The following EPHA4 variants were observed in gnomAD, a reference collection of about 807,000 sequenced individuals.
The protein encoded by EPHA4 is EPH receptor A4.
Under a neutral mutation model 108.3 loss-of-function variants are expected in EPHA4, and 19 were observed. The observed-to-expected ratio is 0.18, with a 90% confidence interval of 0.12 to 0.26. The LOEUF (loss-of-function observed/expected upper bound fraction) is 0.26, where lower values mean the gene tolerates loss of function less well. Among genes scored for constraint, EPHA4 ranks in the 10% least tolerant of loss-of-function variants. The pLI is 1.00. For synonymous variants in EPHA4, 449 were observed against 455.5 expected (o/e 0.99, Z 0.18); for missense variants, 917 against 1,254.0 (o/e 0.73, Z 4.06).
At chr2:221,566,125 C>G (rs555808927) in intron 2 of EPHA4, among the ~76,000 whole-genome samples, 1 of 152,182 alleles carries the variant, frequency 6.6e-6, no homozygotes, top group Non-Finnish European at 1.5e-5. Flanking sequence ...GGAGCCATCA[C>G]TTTCCCTAAT....
intron 4 of EPHA4, among the ~76,000 whole-genome samples, chr2:221,483,404 T>A (rs1419670395): frequency 6.6e-6 from 1 of 152,034 alleles, no homozygotes; most frequent in Non-Finnish European, 1.5e-5. Context: ...ACAGAACAAC[T>A]GATTACCGAC....
intron 6 of EPHA4, 119 bp from the exon 7 acceptor site, chr2:221,456,891 G>GAATA: frequency 9.7e-7 from 1 of 1,028,056 alleles, no homozygotes; most frequent in Non-Finnish European, 1.4e-6. Context: ...AAATGGAGAT[G>GAATA]AATAAACTCT....
At chr2:221,533,580 C>G (rs573664350) in intron 3 of EPHA4, among the ~76,000 whole-genome samples, 25 of 152,162 alleles carry the variant, frequency 1.6e-4, no homozygotes, top group African/African-American at 5.5e-4. Context: ...AGCTTCTAAA[C>G]ACACAGATTA....
intron 3 of EPHA4, among the ~76,000 whole-genome samples, chr2:221,550,696 A>C (rs1169103516): frequency 6.6e-6 from 1 of 152,214 alleles, no homozygotes; most frequent in Admixed American, 6.5e-5. Flanking sequence ...AGCTGAGATT[A>C]AAATTCAGTT....
At chr2:221,505,233 T>C (rs1307015861) in intron 3 of EPHA4, among the ~76,000 whole-genome samples, 1 of 152,228 alleles carries the variant, frequency 6.6e-6, no homozygotes, top group Non-Finnish European at 1.5e-5. Flanking sequence ...AAAACATCAC[T>C]AATAATTTGT....
intron 13 of EPHA4, among the ~76,000 whole-genome samples, chr2:221,435,480 C>T (rs562054592): frequency 1.3e-5 from 2 of 152,038 alleles, no homozygotes; most frequent in Non-Finnish European, 2.9e-5. Context: ...CCCCTGCCCC[C>T]CTCCAAAAAA....
chr2:221,515,871 A>G (rs1012472809), intron 3 of EPHA4, among the ~76,000 whole-genome samples: 1 of 152,122 alleles, frequency 6.6e-6, no homozygotes. Context: ...AGCAGACCAT[A>G]AGAAGATCTA....
At chr2:221,452,945 T>C (rs1375811539) in intron 8 of EPHA4, among the ~76,000 whole-genome samples, 1 of 152,258 alleles carries the variant, frequency 6.6e-6, no homozygotes, top group Non-Finnish European at 1.5e-5. Flanking sequence ...TACATTTTCA[T>C]GTGTTTTTCC....
At chr2:221,499,756 A>ATATATTTTTT (rs1334015871) in intron 4 of EPHA4, among the ~76,000 whole-genome samples, 4 of 26,224 alleles carry the variant, frequency 1.5e-4, no homozygotes, top group Non-Finnish European at 1.9e-4. Flanking sequence ...ATATATATAT[A>ATATATTTTTT]TTTTTTTTTT....
At chr2:221,525,458 T>A (rs1247559191) in intron 3 of EPHA4, among the ~76,000 whole-genome samples, 1 of 152,178 alleles carries the variant, frequency 6.6e-6, no homozygotes, top group Non-Finnish European at 1.5e-5. Flanking sequence ...GTGCCATTAG[T>A]TCCGGCAGTG....
rs1376146722 is a variant in EPHA4 at position 221,418,526 on chromosome 2, T to C, written c.*2846A>G. 1 of 152,668 alleles carries C rather than the reference T, an allele frequency of 6.6e-6. No individual in the cohort carries two copies. The highest frequency in any genetic ancestry group is 1.5e-5 in the Non-Finnish European group (1 of 68,046). 9.5% of individuals were successfully genotyped at this position (152,668 alleles called of 1,614,324 possible). A position where few individuals can be genotyped will look rare whatever the true frequency, so the allele number is the denominator to read the frequency against. On this transcript the variant is annotated 3_prime_UTR_variant, in exon 18 of 18. Coordinates refer to ENST00000281821, the MANE Select transcript of EPHA4 (RefSeq NM_004438.5). ...ATACGGGTGTACGGATTAATACACA[T>C]ATCCTTCACAGATTGAATACAAGAG...
chr2:221,423,790 A>G (rs922687629), intron 17 of EPHA4, among the ~76,000 whole-genome samples: 35 of 152,086 alleles, frequency 2.3e-4, no homozygotes, highest in African/African-American at 7.7e-4. Context: ...TAATTATTCA[A>G]TGTACACAAG....
intron 14 of EPHA4, 24 bp downstream of exon 14, chr2:221,434,118 A>C: frequency 6.3e-7 from 1 of 1,597,954 alleles, no homozygotes; most frequent in Non-Finnish European, 8.5e-7. Flanking sequence ...GTGAAAAAAT[A>C]TATTTCAGAA....
At chr2:221,494,532 G>A (rs1389237371) in intron 4 of EPHA4, among the ~76,000 whole-genome samples, 1 of 152,144 alleles carries the variant, frequency 6.6e-6, no homozygotes, top group Non-Finnish European at 1.5e-5. Flanking sequence ...GTTTTAACTC[G>A]GGAGGTGGCA....
chr2:221,553,678 C>T (rs1017638166), intron 3 of EPHA4, among the ~76,000 whole-genome samples: 2 of 152,156 alleles, frequency 1.3e-5, no homozygotes, highest in African/African-American at 4.8e-5. Context: ...GAAGAGATAA[C>T]GCCATAAAAT....
intron 3 of EPHA4, among the ~76,000 whole-genome samples, 156 bp downstream of exon 3, chr2:221,563,575 G>A (rs960037139): frequency 2.0e-5 from 3 of 152,152 alleles, no homozygotes; most frequent in African/African-American, 7.2e-5. Flanking sequence ...TCTTAGCTTT[G>A]CCACCTGGAG....
chr2:221,431,460 TTTA>T (rs1404706742), intron 14 of EPHA4, among the ~76,000 whole-genome samples: 1 of 152,238 alleles, frequency 6.6e-6, no homozygotes, highest in Non-Finnish European at 1.5e-5. Flanking sequence ...CATCTTGTGA[TTTA>T]TTAAGCCCTC....
At chr2:221,420,651 G>C (rs1188801304) in intron 17 of EPHA4, 99 bp from the exon 18 acceptor site, 1 of 152,202 alleles carries the variant, frequency 6.6e-6, no homozygotes, top group Non-Finnish European at 1.5e-5. Context: ...GTTCGTAGAA[G>C]TTGGTATCCT....
intron 4 of EPHA4, among the ~76,000 whole-genome samples, chr2:221,487,894 A>G (rs16862762): frequency 0.023 from 3,572 of 152,248 alleles, 132 homozygotes; most frequent in African/African-American, 0.081. Context: ...TATGCCCTTT[A>G]CATTTGTAAT....
Sources: gnomAD v4.1 joint callset for allele counts (sites outside exome capture counted in the v4.1 genomes callset) on GRCh38, gnomAD v4.1.1 for gene constraint, MANE v1.5 for transcripts, NCBI Gene and HGNC (gene_info 2026-07-23, HGNC 2026-07-21) for gene names.